Variants in DLG2 observed in about 807,000 individuals in gnomAD.
The protein encoded by DLG2 is disks large homolog 2.
In DLG2, 45 loss-of-function variants were observed where a neutral mutation model predicts 132.5. That is an observed-to-expected ratio of 0.34 (90% CI 0.27 to 0.44). The LOEUF is 0.44. Among genes scored for constraint, DLG2 ranks in the 20% least tolerant of loss-of-function variants. The probability of loss-of-function intolerance (pLI) is 1.00; values close to 1 mark genes in which losing one functional copy is unlikely to be tolerated. For missense variants in DLG2, 1,045 were observed against 1,196.9 expected (o/e 0.87, Z 1.87); for synonymous variants, 424 against 419.6 (o/e 1.01, Z -0.13).
At position 83,906,312 on chromosome 11, in the gene DLG2, CACACA is replaced by C. The variant is rs1565586620; in HGVS notation, c.1496+24011_1496+24015del. Among the ~76,000 whole-genome samples the C allele has an allele frequency of 1.1e-4, 15 of 138,242 alleles. 1 individual carries two copies. The highest frequency in any genetic ancestry group is 5.1e-4 in the Admixed American group (7 of 13,748). 90.7% of individuals were successfully genotyped at this position (138,242 alleles called of 152,430 possible). A position where few individuals can be genotyped will look rare whatever the true frequency, so the allele number is the denominator to read the frequency against. On this transcript the variant is annotated intron_variant, in intron 15 of 27. Transcript: ENST00000376104. ...ACACACACACACACACACACACACACACACACACCTCGGCCTCCCAAAGTGCTGGG... is the reference window on the plus strand; with the variant it reads ...ACACACACACACACACACACACACACCACCTCGGCCTCCCAAAGTGCTGGG...
intron 18 of DLG2, among the ~76,000 whole-genome samples, chr11:83,741,595 C>T (rs1197764457): frequency 2.0e-5 from 3 of 152,022 alleles, no homozygotes; most frequent in Non-Finnish European, 4.4e-5. Flanking sequence ...TACAGCTAAT[C>T]AAGGAGGTGA....
intron 6 of DLG2, among the ~76,000 whole-genome samples, chr11:84,582,297 G>A (rs985908044): frequency 4.0e-5 from 6 of 150,650 alleles, no homozygotes; most frequent in Admixed American, 1.3e-4. Context: ...CTTGAAGGTG[G>A]CGAATATATA....
intron 19 of DLG2, among the ~76,000 whole-genome samples, chr11:83,570,429 T>C (rs1380164506): frequency 2.6e-5 from 4 of 152,218 alleles, no homozygotes; most frequent in Non-Finnish European, 4.4e-5. Context: ...CTATTACTAC[T>C]ATTACTGGTT....
intron 6 of DLG2, among the ~76,000 whole-genome samples, chr11:85,067,005 T>C (rs1379731439): frequency 6.6e-6 from 1 of 151,796 alleles, no homozygotes; most frequent in Non-Finnish European, 1.5e-5. Flanking sequence ...TGTTCACTGA[T>C]GATATGTGCC....
intron 7 of DLG2, among the ~76,000 whole-genome samples, chr11:84,502,235 C>CTTCCTTCCTTCCTTCTTTCT (rs2099213626): frequency 4.1e-5 from 1 of 24,292 alleles, no homozygotes; most frequent in South Asian, 2.6e-3. Context: ...TCCTTCCTTC[C>CTTCCTTCCTTCCTTCTTTCT]TTCCTTCCTT....
At chr11:84,822,604 C>T (rs2077828506) in intron 6 of DLG2, among the ~76,000 whole-genome samples, 1 of 151,826 alleles carries the variant, frequency 6.6e-6, no homozygotes, top group African/African-American at 2.4e-5. Flanking sequence ...GCTTAAATGG[C>T]AGGGTCACAG....
At chr11:85,250,396 T>C (rs879443203) in intron 4 of DLG2, among the ~76,000 whole-genome samples, 6 of 152,210 alleles carry the variant, frequency 3.9e-5, no homozygotes, top group Non-Finnish European at 8.8e-5. Flanking sequence ...CATATTATCA[T>C]AGTAGTATGC....
chr11:84,263,288 CAGACAT>C (rs1179214014), intron 7 of DLG2, among the ~76,000 whole-genome samples: 2 of 152,080 alleles, frequency 1.3e-5, no homozygotes, highest in East Asian at 3.8e-4. Context: ...TTTTACCACT[CAGACAT>C]AGAAAGTTAG....
intron 18 of DLG2, among the ~76,000 whole-genome samples, chr11:83,760,817 T>G (rs1486761819): frequency 6.6e-6 from 1 of 152,206 alleles, no homozygotes; most frequent in African/African-American, 2.4e-5. Context: ...CCTAGACAAC[T>G]GTAGCAGCTT....
intron 6 of DLG2, among the ~76,000 whole-genome samples, chr11:84,655,886 A>C (rs1246787523): frequency 6.6e-6 from 1 of 152,176 alleles, no homozygotes; most frequent in Admixed American, 6.6e-5. Flanking sequence ...GCCTGTGCTC[A>C]AGTATTCTGA....
chr11:85,567,315 G>A (rs1410177530), intron 3 of DLG2, among the ~76,000 whole-genome samples: 3 of 152,062 alleles, frequency 2.0e-5, no homozygotes, highest in Admixed American at 2.0e-4. Context: ...TAAAATGTCT[G>A]TTTATTTAGG....
intron 6 of DLG2, among the ~76,000 whole-genome samples, chr11:84,547,030 G>C (rs1400705976): frequency 1.3e-5 from 2 of 152,152 alleles, no homozygotes; most frequent in East Asian, 3.9e-4. Flanking sequence ...ACATGACCTT[G>C]GGCAACTTAT....
intron 26 of DLG2, among the ~76,000 whole-genome samples, chr11:83,464,634 T>C (rs2090664841): frequency 6.6e-6 from 1 of 152,332 alleles, no homozygotes; most frequent in South Asian, 2.1e-4. Context: ...GATAAGTGGC[T>C]GTGACAGTGC....
In DLG2 at chr11:84,793,696, A is replaced by G. The variant is rs189183399; in HGVS notation, c.358-258965T>C. Among the ~76,000 whole-genome samples, 274 of 152,048 alleles carry G rather than the reference A, an allele frequency of 1.8e-3. 3 individuals are homozygous for G. Among genetic ancestry groups the G allele is most frequent in the African/African-American group, 6.4e-3 (265 of 41,500 alleles). The stretch of plus-strand genomic sequence containing the variant: ...CCTTACAGTTTTTGTCTTGAAGTCT[A>G]TTTTGTCTGATATTAGTATAGCTAC... On this transcript the variant is annotated intron_variant, in intron 6 of 27. Coordinates refer to ENST00000376104, the MANE Select transcript of DLG2 (RefSeq NM_001142699.3).
intron 8 of DLG2, among the ~76,000 whole-genome samples, chr11:84,236,995 C>T (rs779469209): frequency 5.3e-4 from 79 of 148,966 alleles, no homozygotes; most frequent in Non-Finnish European, 7.8e-4. Context: ...GTGGCATCAT[C>T]TCGGCTCACT....
intron 3 of DLG2, among the ~76,000 whole-genome samples, chr11:85,559,395 C>T (rs898942160): frequency 6.6e-6 from 1 of 151,188 alleles, no homozygotes; most frequent in Non-Finnish European, 1.5e-5. Flanking sequence ...GTGATCTGCC[C>T]GCCTCGGCCT....
intron 3 of DLG2, among the ~76,000 whole-genome samples, chr11:85,377,803 A>ATATATATATATATATATG (rs35141583): frequency 1.5e-3 from 192 of 131,278 alleles, no homozygotes; most frequent in Non-Finnish European, 2.0e-3. Context: ...ATATATATAT[A>ATATATATATATATATATG]TGTGTGTGTG....
At chr11:85,301,358 T>C (rs1294220554) in intron 3 of DLG2, among the ~76,000 whole-genome samples, 2 of 152,116 alleles carry the variant, frequency 1.3e-5, no homozygotes, top group Non-Finnish European at 2.9e-5. Flanking sequence ...TTTTATATCA[T>C]TGTTGCCAGG....
chr11:84,224,416 A>G (rs550820167), intron 8 of DLG2, among the ~76,000 whole-genome samples: 12 of 152,324 alleles, frequency 7.9e-5, no homozygotes, highest in African/African-American at 2.9e-4. Context: ...GGAATTATTG[A>G]ATAAAATAGT....
Sources: allele counts gnomAD v4.1 joint callset (sites outside exome capture counted in the v4.1 genomes callset), GRCh38; gene constraint gnomAD v4.1.1; transcripts MANE v1.5; gene names NCBI Gene and HGNC (gene_info 2026-07-23, HGNC 2026-07-21).